QTMAN: variants seen among roughly 807,000 people sequenced by gnomAD.
The protein encoded by QTMAN is tRNA-queuosine alpha-mannosyltransferase.
chr2:144,060,671 C>A, the QTMAN span, among the ~76,000 whole-genome samples: 1 of 152,182 alleles, frequency 6.6e-6, no homozygotes, highest in Non-Finnish European at 1.5e-5. Context: ...TAGGCAGGAG[C>A]TATTTTGCTA....
the QTMAN span, among the ~76,000 whole-genome samples, chr2:144,103,994 G>C: frequency 6.6e-6 from 1 of 152,170 alleles, no homozygotes; most frequent in Non-Finnish European, 1.5e-5. Context: ...GGAGGCTGAG[G>C]CACGAGAAAT....
chr2:144,200,210 T>C, the QTMAN span, among the ~76,000 whole-genome samples: 1 of 152,140 alleles, frequency 6.6e-6, no homozygotes, highest in African/African-American at 2.4e-5. Flanking sequence ...AGAATGTCTA[T>C]CTGTCTAAAA....
chr2:144,162,579 A>G, the QTMAN span, among the ~76,000 whole-genome samples: 2 of 152,142 alleles, frequency 1.3e-5, no homozygotes, highest in African/African-American at 4.8e-5. Context: ...AAAGAGAGAA[A>G]AATCTGGCCA....
At chr2:144,132,020 T>A in the QTMAN span, among the ~76,000 whole-genome samples, 1 of 151,894 alleles carries the variant, frequency 6.6e-6, no homozygotes, top group African/African-American at 2.4e-5. Context: ...TCGTTTTTAC[T>A]ATCTGAACAT....
the QTMAN span, among the ~76,000 whole-genome samples, chr2:143,948,879 CCT>C: frequency 4.6e-5 from 7 of 152,078 alleles, no homozygotes; most frequent in Non-Finnish European, 8.8e-5. Flanking sequence ...CGAAGAGCTC[CCT>C]GTTTTATCTC....
the QTMAN span, among the ~76,000 whole-genome samples, chr2:143,999,327 G>A: frequency 2.2e-4 from 33 of 151,668 alleles, no homozygotes; most frequent in African/African-American, 8.0e-4. Context: ...GGAAGGCAGA[G>A]GACTACAAGG....
the QTMAN span, among the ~76,000 whole-genome samples, chr2:144,062,514 T>C: frequency 1.3e-5 from 2 of 152,208 alleles, no homozygotes; most frequent in African/African-American, 4.8e-5. Context: ...AAATAGAGCC[T>C]GACATGGGTG....
chr2:144,323,367 G>A, the QTMAN span, among the ~76,000 whole-genome samples: 6 of 152,186 alleles, frequency 3.9e-5, no homozygotes, highest in African/African-American at 1.2e-4. Flanking sequence ...CTTCTTCAAG[G>A]ACATTCTTAA....
chr2:143,976,854 A>G, the QTMAN span, among the ~76,000 whole-genome samples: 1 of 152,180 alleles, frequency 6.6e-6, no homozygotes, highest in Non-Finnish European at 1.5e-5. Context: ...AAATGCTCAC[A>G]CTGCATTCCA....
chr2:144,307,288 G>C, the QTMAN span, among the ~76,000 whole-genome samples: 1 of 145,600 alleles, frequency 6.9e-6, no homozygotes, highest in African/African-American at 2.5e-5. Flanking sequence ...AAAGCTTTCA[G>C]TATACTTAAA....
At chr2:143,956,619 T>C in the QTMAN span, among the ~76,000 whole-genome samples, 1 of 152,110 alleles carries the variant, frequency 6.6e-6, no homozygotes, top group Non-Finnish European at 1.5e-5. Context: ...TCAGAAATTT[T>C]TTAGCAGCTA....
At chr2:144,266,112 T>C in the QTMAN span, among the ~76,000 whole-genome samples, 2 of 152,188 alleles carry the variant, frequency 1.3e-5, no homozygotes, top group African/African-American at 4.8e-5. Flanking sequence ...AAAGTAGGAC[T>C]AGATGAGGTC....
chr2:144,290,678 C>A, the QTMAN span, among the ~76,000 whole-genome samples: 1 of 152,134 alleles, frequency 6.6e-6, no homozygotes, highest in African/African-American at 2.4e-5. Context: ...CCTCTTTTTC[C>A]ACCTAAATAC....
the QTMAN span, among the ~76,000 whole-genome samples, chr2:144,115,484 C>T: frequency 6.6e-6 from 1 of 152,228 alleles, no homozygotes; most frequent in Non-Finnish European, 1.5e-5. Flanking sequence ...ACTTCTTTCA[C>T]ACTTACTACT....
chr2:144,006,189 C>T, the QTMAN span: 1 of 152,096 alleles, frequency 6.6e-6, no homozygotes, highest in South Asian at 2.1e-4. Flanking sequence ...ACACATTCCA[C>T]ATCAACTTTC....
At chr2:144,114,690 A>AACAAC in the QTMAN span, among the ~76,000 whole-genome samples, 4 of 121,060 alleles carry the variant, frequency 3.3e-5, no homozygotes, top group Admixed American at 2.4e-4. Context: ...CACACTACAA[A>AACAAC]ACAAAACAAA....
the QTMAN span, among the ~76,000 whole-genome samples, chr2:144,179,563 C>G: frequency 6.6e-6 from 1 of 152,152 alleles, no homozygotes; most frequent in African/African-American, 2.4e-5. Context: ...CCATCCTTCA[C>G]TCTGTGCATT....
chr2:144,294,012 C>CTAAT, the QTMAN span, among the ~76,000 whole-genome samples: 124 of 152,250 alleles, frequency 8.1e-4, no homozygotes, highest in African/African-American at 2.8e-3. Flanking sequence ...AGAAGCTGAC[C>CTAAT]TAATGTCTGA....
At chr2:144,197,156 T>C in the QTMAN span, among the ~76,000 whole-genome samples, 4 of 152,154 alleles carry the variant, frequency 2.6e-5, no homozygotes, top group Non-Finnish European at 5.9e-5. Flanking sequence ...TAGGCAACTA[T>C]AACACAATGG....
Sources: gnomAD v4.1 joint callset for allele counts (sites outside exome capture counted in the v4.1 genomes callset) on GRCh38, gnomAD v4.1.1 for gene constraint, MANE v1.5 for transcripts, NCBI Gene and HGNC (gene_info 2026-07-23, HGNC 2026-07-21) for gene names.